The following PEPD variants were observed in gnomAD, a reference collection of about 807,000 sequenced individuals.
PEPD encodes the protein xaa-Pro dipeptidase.
PEPD carries 53 observed loss-of-function variants against 60.7 expected under a neutral mutation model. The observed-to-expected ratio is 0.87, with a 90% CI of 0.70 to 1.10. The LOEUF (loss-of-function observed/expected upper bound fraction) is 1.10, where lower values mean the gene tolerates loss of function less well. Among genes scored for constraint, PEPD ranks in the 50% least tolerant of loss-of-function variants. PEPD has a pLI of 0.00. For missense variants in PEPD, 711 were observed against 711.9 expected, an observed-to-expected ratio of 1.00 and a Z score of 0.01; for synonymous variants, 267 against 284.1, an observed-to-expected ratio of 0.94 and a Z score of 0.60.
intron 11 of PEPD, among the ~76,000 whole-genome samples, chr19:33,402,212 T>C (rs1462702016): frequency 6.6e-6 from 1 of 152,050 alleles, no homozygotes; most frequent in African/African-American, 2.4e-5. Flanking sequence ...TGGAGAATTG[T>C]TTGGAGAACT....
chr19:33,501,062 C>T, intron 3 of PEPD, 61 bp from the exon 4 acceptor site: 2 of 1,006,932 alleles, frequency 2.0e-6, no homozygotes, highest in Non-Finnish European at 3.2e-6. Flanking sequence ...GCATGGCCAC[C>T]TTCCTGCCTG....
At chr19:33,439,700 C>A (rs1416172410) in intron 9 of PEPD, among the ~76,000 whole-genome samples, 1 of 152,200 alleles carries the variant, frequency 6.6e-6, no homozygotes, top group Non-Finnish European at 1.5e-5. Context: ...GGTCACACAG[C>A]CCAGCACCGT....
rs1447525972 is a variant in PEPD at position 33,406,582 on chromosome 19, G to A, written c.819-4713C>T. 2.6e-5 allele frequency among the ~76,000 whole-genome samples: 4 copies of A among 152,234 alleles called. No individual in the cohort carries two copies. In the East Asian group the frequency reaches 7.7e-4, roughly 29 times the overall value. On this transcript the variant is annotated intron_variant, in intron 11 of 14. Transcript: ENST00000244137. ...GAGAGCTGGGCTGGGACAGGCAGCA[G>A]AGAGCAGGCCTGGGGGCAACGCTCT...
At chr19:33,485,601 C>T (rs932092332) in intron 6 of PEPD, among the ~76,000 whole-genome samples, 2 of 151,806 alleles carry the variant, frequency 1.3e-5, no homozygotes, top group Non-Finnish European at 2.9e-5. Flanking sequence ...TTGCTGTAAT[C>T]GTCAAGTTTT....
At chr19:33,394,747 G>A (rs8107100) in intron 12 of PEPD, among the ~76,000 whole-genome samples, 2,792 of 152,278 alleles carry the variant, frequency 0.018, 49 homozygotes, top group Non-Finnish European at 0.027. Context: ...CAGGCTGGAA[G>A]GCACCCCCGG....
At position 33,448,119 on chromosome 19, in the gene PEPD, C is replaced by T. The variant is rs141201456; in HGVS notation, c.671+14876G>A. On this transcript the variant is annotated intron_variant, in intron 9 of 14. Transcript: ENST00000244137. Reference sequence around the variant, plus strand: ...TCAGAGCTAGGAGGAGAAAAACTCACGGCCCGGAATAATTACTCCCGCAGG... The same window carrying T: ...TCAGAGCTAGGAGGAGAAAAACTCATGGCCCGGAATAATTACTCCCGCAGG... Among the ~76,000 whole-genome samples the T allele has an allele frequency of 2.0e-3, 303 of 152,368 alleles. 2 individuals are homozygous for T. Among genetic ancestry groups the T allele is most frequent in the African/African-American group, 6.4e-3 (267 of 41,582 alleles).
At chr19:33,396,681 T>C (rs1968373265) in intron 12 of PEPD, among the ~76,000 whole-genome samples, 1 of 112,870 alleles carries the variant, frequency 8.9e-6, no homozygotes, top group African/African-American at 3.5e-5. Context: ...CAGGAAAGAG[T>C]AGAGAAAGGC....
intron 7 of PEPD, among the ~76,000 whole-genome samples, chr19:33,468,885 T>C (rs1970070327): frequency 1.3e-5 from 2 of 151,998 alleles, no homozygotes; most frequent in South Asian, 4.1e-4. Flanking sequence ...TGCAGTCCCA[T>C]TATCTGGGAC....
Position 33,460,099 on chromosome 19 carries a change from G to A in PEPD, c.671+2896C>T, listed in dbSNP as rs375537620. ...CACACCCCCGGGTAACCAAAAACAC[G>A]GGCTTTAGAAGAGATTTTTATTCCC... On this transcript the variant is annotated intron_variant, in intron 9 of 14. Transcript: ENST00000244137. 6.6e-5 allele frequency among the ~76,000 whole-genome samples: 10 copies of A among 152,146 alleles called. No homozygotes were observed. The East Asian group carries it at 1.5e-3, about 23-fold the overall frequency.
intron 9 of PEPD, 165 bp downstream of exon 9, chr19:33,462,830 C>T (rs922384327): frequency 1.0e-5 from 7 of 689,686 alleles, no homozygotes; most frequent in Admixed American, 4.1e-5. Context: ...GGGAGGCGGG[C>T]GCAGTCAGAA....
At chr19:33,424,620 G>A (rs975649367) in intron 9 of PEPD, among the ~76,000 whole-genome samples, 2 of 152,106 alleles carry the variant, frequency 1.3e-5, no homozygotes, top group East Asian at 3.9e-4. Context: ...CGGGAGGATC[G>A]CTGGAGTCCA....
intron 9 of PEPD, among the ~76,000 whole-genome samples, chr19:33,439,255 A>G (rs1402215693): frequency 6.6e-6 from 1 of 152,056 alleles, no homozygotes; most frequent in Non-Finnish European, 1.5e-5. Context: ...CCCCACTAGC[A>G]CCTTAGTCCT....
chr19:33,481,765 A>G (rs2145303738), intron 6 of PEPD, among the ~76,000 whole-genome samples: 1 of 152,256 alleles, frequency 6.6e-6, no homozygotes, highest in South Asian at 2.1e-4. Context: ...GCAGTGGCTC[A>G]TGCCTGTAAT....
intron 9 of PEPD, among the ~76,000 whole-genome samples, chr19:33,432,194 T>A (rs1969289215): frequency 6.6e-6 from 1 of 152,108 alleles, no homozygotes. Flanking sequence ...CAAGGCTCTC[T>A]GGTATGCAGC....
In PEPD at chr19:33,493,334, C is replaced by T. The variant is rs1175315834; in HGVS notation, c.397G>A (p.Ala133Thr). 1 of 1,612,836 alleles carries T rather than the reference C, an allele frequency of 6.2e-7. No homozygotes were observed. Among genetic ancestry groups the T allele is most frequent in the African/African-American group, 1.3e-5 (1 of 74,892 alleles). ...GGCTTCTGTGACGTCAGGACGCTGG[C>T]AATCTAGAAGGTCGGAAAGAAAAAC... The part of the protein sequence containing the change: ...VDDVQYVDEI[A>T]SVLTSQKPSV... The change falls in exon 5 of 15, where the codon GCC (alanine) becomes ACC (threonine). Residue 133 changes from alanine (A) to threonine (T), a missense_variant. Coordinates refer to ENST00000244137, the MANE Select transcript of PEPD (RefSeq NM_000285.4).
At chr19:33,487,059 G>A (rs1044354638) in intron 6 of PEPD, 5 of 152,332 alleles carry the variant, frequency 3.3e-5, no homozygotes, top group Non-Finnish European at 7.3e-5. Context: ...TTGGAGAGGA[G>A]GACGACAGCA....
At chr19:33,394,366 G>A (rs1036121512) in intron 12 of PEPD, among the ~76,000 whole-genome samples, 1 of 145,044 alleles carries the variant, frequency 6.9e-6, no homozygotes, top group African/African-American at 2.5e-5. Context: ...GCCCTTCCCG[G>A]GGGCAGGCCC....
chr19:33,420,139 G>A (rs1194527052), intron 9 of PEPD, among the ~76,000 whole-genome samples: 2 of 152,240 alleles, frequency 1.3e-5, no homozygotes, highest in Non-Finnish European at 2.9e-5. Flanking sequence ...CAACGTGCTT[G>A]ATTAGGTTGA....
intron 9 of PEPD, among the ~76,000 whole-genome samples, chr19:33,447,193 C>A (rs1969609792): frequency 6.6e-6 from 1 of 152,200 alleles, no homozygotes; most frequent in South Asian, 2.1e-4. Context: ...AATGAGGGGA[C>A]CCCAAGTGCT....
Sources: allele counts gnomAD v4.1 joint callset (sites outside exome capture counted in the v4.1 genomes callset), GRCh38; gene constraint gnomAD v4.1.1; transcripts MANE v1.5; gene names NCBI Gene and HGNC (gene_info 2026-07-23, HGNC 2026-07-21).